The following SNX9 variants were observed in gnomAD, a reference collection of about 807,000 sequenced individuals.
SNX9 encodes the protein sorting nexin-9.
A neutral mutation model predicts 89.4 loss-of-function variants in SNX9; 44 were observed. The observed-to-expected ratio is 0.49, with a 90% CI of 0.39 to 0.63. The LOEUF (loss-of-function observed/expected upper bound fraction) is 0.63, where lower values mean the gene tolerates loss of function less well. SNX9 is among the 30% of genes least tolerant of loss of function. The pLI is 0.00. For synonymous variants in SNX9, 236 were observed against 247.8 expected (o/e 0.95, Z 0.45); for missense variants, 578 against 736.1 (o/e 0.79, Z 2.49).
At chr6:157,828,499 TA>T (rs1424808063) in intron 1 of SNX9, among the ~76,000 whole-genome samples, 5 of 152,004 alleles carry the variant, frequency 3.3e-5, no homozygotes, top group African/African-American at 7.3e-5. Flanking sequence ...TGATTATTAT[TA>T]TTTTTTTTTT....
chr6:157,845,981 T>C (rs758045577), intron 1 of SNX9, among the ~76,000 whole-genome samples: 38 of 152,230 alleles, frequency 2.5e-4, no homozygotes, highest in Non-Finnish European at 4.7e-4. Flanking sequence ...TTCAGTGTTA[T>C]TGATTTGCAA....
At chr6:157,844,901 C>T (rs1054057953) in intron 1 of SNX9, among the ~76,000 whole-genome samples, 6 of 151,778 alleles carry the variant, frequency 4.0e-5, no homozygotes, top group African/African-American at 2.4e-5. Context: ...GGCCGTCGTC[C>T]TTGTTTTAAA....
At chr6:157,922,774 C>T (rs9456870) in intron 10 of SNX9, among the ~76,000 whole-genome samples, 15,754 of 152,218 alleles carry the variant, frequency 0.1, 906 homozygotes, top group African/African-American at 0.14. Flanking sequence ...GTCTCCTCAC[C>T]ATGTCTTATG....
chr6:157,925,377 G>T (rs1018563788), intron 10 of SNX9, among the ~76,000 whole-genome samples: 3 of 152,046 alleles, frequency 2.0e-5, no homozygotes, highest in African/African-American at 7.3e-5. Context: ...ATGCTGCTGG[G>T]ATTCATAACG....
chr6:157,835,093 A>G (rs1051104518), intron 1 of SNX9, among the ~76,000 whole-genome samples: 5 of 151,454 alleles, frequency 3.3e-5, no homozygotes, highest in African/African-American at 1.2e-4. Flanking sequence ...GCTCACTGCA[A>G]CCTCCACCTC....
Position 157,942,389 on chromosome 6 carries a change from C to T in SNX9, c.1741-402C>T, listed in dbSNP as rs144189614. On this transcript the variant is annotated intron_variant, in intron 17 of 17. Coordinates refer to ENST00000392185, the MANE Select transcript of SNX9 (RefSeq NM_016224.5). ...GTGCTGTCTGCACACTCAGCAGTGACAGCAGGGTGTGGCCAGGGCGACACA... is the reference window on the plus strand; with the variant it reads ...GTGCTGTCTGCACACTCAGCAGTGATAGCAGGGTGTGGCCAGGGCGACACA... Among the ~76,000 whole-genome samples, 879 of 152,342 alleles carry T rather than the reference C, an allele frequency of 5.8e-3. 6 individuals carry two copies. Among genetic ancestry groups the T allele is most frequent in the African/African-American group, 0.019 (799 of 41,580 alleles).
intron 4 of SNX9, chr6:157,892,904 G>C (rs759792354): frequency 1.3e-5 from 2 of 152,206 alleles, no homozygotes; most frequent in Admixed American, 1.3e-4. Context: ...CAGCGGAAGA[G>C]AGGTAGAGCT....
At chr6:157,847,560 T>C (rs1157668671) in intron 1 of SNX9, among the ~76,000 whole-genome samples, 1 of 151,996 alleles carries the variant, frequency 6.6e-6, no homozygotes, top group East Asian at 1.9e-4. Context: ...CCATTTCGAT[T>C]GTTGAGTTTT....
At chr6:157,917,638 C>G (rs867826324) in intron 9 of SNX9, among the ~76,000 whole-genome samples, 2 of 152,124 alleles carry the variant, frequency 1.3e-5, no homozygotes, top group Non-Finnish European at 1.5e-5. Context: ...GCTCAAGTCC[C>G]TGATATAAAA....
chr6:157,860,040 G>A (rs1782087341), intron 1 of SNX9, among the ~76,000 whole-genome samples: 1 of 152,148 alleles, frequency 6.6e-6, no homozygotes, highest in Non-Finnish European at 1.5e-5. Context: ...TGTCTGTGGT[G>A]GCTTTTGCAC....
At chr6:157,870,913 C>T (rs1583209771) in intron 2 of SNX9, among the ~76,000 whole-genome samples, 1 of 152,270 alleles carries the variant, frequency 6.6e-6, no homozygotes, top group South Asian at 2.1e-4. Context: ...GACACACTCA[C>T]CTGCTGTCAT....
chr6:157,891,536 GAT>G (rs1364942788), intron 4 of SNX9, among the ~76,000 whole-genome samples: 1 of 152,168 alleles, frequency 6.6e-6, no homozygotes, highest in Non-Finnish European at 1.5e-5. Context: ...CAAAGAGTAA[GAT>G]ATATTTCATA....
chr6:157,924,065 G>A (rs931760647), intron 10 of SNX9, among the ~76,000 whole-genome samples: 6 of 152,102 alleles, frequency 3.9e-5, no homozygotes, highest in African/African-American at 1.4e-4. Context: ...AGGTGTGGTG[G>A]CACACACCTG....
At chr6:157,863,222 C>T (rs1351232033) in intron 1 of SNX9, among the ~76,000 whole-genome samples, 3 of 152,200 alleles carry the variant, frequency 2.0e-5, no homozygotes, top group African/African-American at 4.8e-5. Flanking sequence ...CAACATAGGT[C>T]AGATAGAATG....
intron 10 of SNX9, 82 bp downstream of exon 10, chr6:157,921,743 A>C: frequency 2.1e-6 from 3 of 1,457,298 alleles, no homozygotes; most frequent in Non-Finnish European, 2.8e-6. Flanking sequence ...AAGGAGTTAA[A>C]ATTATGTTGG....
intron 7 of SNX9, among the ~76,000 whole-genome samples, chr6:157,908,943 G>A (rs3805780): frequency 0.21 from 32,426 of 152,162 alleles, 3,513 homozygotes; most frequent in Non-Finnish European, 0.23. Context: ...CCAGGTGGAC[G>A]TGATACCCGG....
intron 15 of SNX9, among the ~76,000 whole-genome samples, chr6:157,938,016 A>G (rs1216409562): frequency 6.6e-6 from 1 of 152,258 alleles, no homozygotes; most frequent in East Asian, 1.9e-4. Flanking sequence ...TCAGAGTTGT[A>G]GGCCTGGAGC....
intron 2 of SNX9, among the ~76,000 whole-genome samples, chr6:157,870,913 CCTG>C (rs1441769480): frequency 6.6e-6 from 1 of 152,270 alleles, no homozygotes; most frequent in Non-Finnish European, 1.5e-5. Context: ...GACACACTCA[CCTG>C]CTGTCATGCA....
chr6:157,864,323 C>G (rs1339348811), intron 1 of SNX9, among the ~76,000 whole-genome samples: 1 of 152,162 alleles, frequency 6.6e-6, no homozygotes, highest in Non-Finnish European at 1.5e-5. Context: ...TTTGCCGCAC[C>G]TCCCAATACC....
Sources: gnomAD v4.1 joint callset for allele counts (sites outside exome capture counted in the v4.1 genomes callset) on GRCh38, gnomAD v4.1.1 for gene constraint, MANE v1.5 for transcripts, NCBI Gene and HGNC (gene_info 2026-07-23, HGNC 2026-07-21) for gene names.